CALHM1: variants seen among roughly 807,000 people sequenced by gnomAD.
CALHM1 encodes calcium homeostasis modulator 1.
A neutral mutation model predicts 14.8 loss-of-function variants in CALHM1; 11 were observed. The ratio of observed to expected loss-of-function variants is 0.74; its 90% CI spans 0.47 to 1.23. CALHM1 has a LOEUF of 1.23. Ranked by LOEUF, CALHM1 falls within the 50% of genes most tolerant of loss-of-function variation. CALHM1 has a pLI of 0.00. For missense variants in CALHM1, 458 were observed against 496.4 expected, an observed-to-expected ratio of 0.92 and a Z score of 0.74; for synonymous variants, 215 against 218.9, an observed-to-expected ratio of 0.98 and a Z score of 0.16.
Position 103,456,582 on chromosome 10 carries a change from C to G in CALHM1, c.556-835G>C, listed in dbSNP as rs1352869553. On this transcript the variant is annotated intron_variant, in intron 1 of 1. Transcript: ENST00000329905. ...AGAGAAGCACTTGGGCAGATCAGGA[C>G]TGGGGCTGAGGGCAAGCCCAGATGC... 5.9e-5 allele frequency among the ~76,000 whole-genome samples: 9 copies of G among 152,344 alleles called. No individual in the cohort carries two copies. In the East Asian group the frequency reaches 1.7e-3, roughly 29 times the overall value.
In CALHM1 at chr10:103,458,217, A is replaced by G; in HGVS notation, c.535T>C (p.Tyr179His). Residue 179 changes from tyrosine (Y) to histidine (H), a missense_variant, in exon 1 of 2, where the codon TAC (tyrosine) becomes CAC (histidine). Physicochemically the swap from Tyr to His is moderately conservative, Grantham distance 83. Coordinates refer to ENST00000329905, the MANE Select transcript of CALHM1 (RefSeq NM_001001412.4). The surrounding 1 kb of genome is among the most constrained non-coding windows in gnomAD (Gnocchi z 4.9). ...WLLAREVAVR[Y>H]LRCISQALGW... ...CTCACCTGGGAGATGCAGCGGAGGT[A>G]ACGCACGGCCACCTCTCGGGCCAAC... The G allele has an allele frequency of 6.2e-7, 1 of 1,612,824 alleles. No homozygotes were observed. Among genetic ancestry groups the G allele is most frequent in the Non-Finnish European group, 8.5e-7 (1 of 1,179,750 alleles).
Position 103,458,343 on chromosome 10 carries a change from C to T in CALHM1, c.409G>A (p.Ala137Thr), listed in dbSNP as rs768417320. The T allele has an allele frequency of 2.2e-5, 36 of 1,610,624 alleles. No homozygotes were observed. The highest frequency in any genetic ancestry group is 8.8e-5 in the South Asian group (8 of 90,884). ...CAFCTAVPVSALGNGSLAPGL... is the reference protein window; with the variant it reads ...CAFCTAVPVSTLGNGSLAPGL... ...GGTGCCAGGCTGCCGTTGCCCAGTGCGCTCACGGGCACGGCAGTGCAGAAG... is the reference window on the plus strand; with the variant it reads ...GGTGCCAGGCTGCCGTTGCCCAGTGTGCTCACGGGCACGGCAGTGCAGAAG... The change falls in exon 1 of 2, where the codon GCA becomes ACA. Residue 137 changes from alanine (A) to threonine (T), a missense_variant. By Grantham distance (58) the Ala-to-Thr change is moderately conservative (BLOSUM62 0). Coordinates refer to ENST00000329905, the MANE Select transcript of CALHM1 (RefSeq NM_001001412.4). The surrounding 1 kb of genome is among the most constrained non-coding windows in gnomAD (Gnocchi z 4.9).
rs1034384425 is a variant in CALHM1 at position 103,454,361 on chromosome 10, C to T, written c.*901G>A. The T allele has an allele frequency of 1.3e-5, 2 of 152,290 alleles. No homozygotes were observed. Among genetic ancestry groups the T allele is most frequent in the African/African-American group, 4.8e-5 (2 of 41,440 alleles). The allele number at this position is 152,290 out of a possible 1,614,324, so 9.4% of individuals were successfully genotyped here. A position where few individuals can be genotyped will look rare whatever the true frequency, so the allele number is the denominator to read the frequency against. ...TCTGAGCTGCTTTCTCTTTACACTG[C>T]TCTCCTCCACCCTCATCCCACCTGG... is the stretch of plus-strand genomic sequence containing the variant. On this transcript the variant is annotated 3_prime_UTR_variant, in exon 2 of 2. Coordinates refer to ENST00000329905, the MANE Select transcript of CALHM1 (RefSeq NM_001001412.4).
Position 103,458,425 on chromosome 10 carries a change from G to A in CALHM1, c.327C>T (p.Ile109=), listed in dbSNP as rs373511326. 9.3e-6 allele frequency: 15 copies of A among 1,609,784 alleles called. No individual in the cohort carries two copies. Among genetic ancestry groups the A allele is most frequent in the Middle Eastern group, 1.6e-4 (1 of 6,074 alleles). ...TGACGGCCACCCAGACGACAGGCGC[G>A]ATGAGGGCGCGCTGGGCCATGGAGC... ...MFCSMAQRAL[I]APVVWVAVTL... Residue 109 remains isoleucine (I), a synonymous_variant, in exon 1 of 2, where the codon ATC becomes ATT. Coordinates refer to ENST00000329905, the MANE Select transcript of CALHM1 (RefSeq NM_001001412.4). The surrounding 1 kb of genome is among the most constrained non-coding windows in gnomAD (Gnocchi z 4.9).
rs746336578 is a variant in CALHM1, at chr10:103,455,353, T to C, written c.950A>G (p.Gln317Arg). 1.9e-6 allele frequency: 3 copies of C among 1,613,386 alleles called. No homozygotes were observed. In the African/African-American group the frequency reaches 4.0e-5, roughly 22 times the overall value. ...GTTGCCCATCAGCGGTGGCTCCTCC[T>C]GGCCCAGCCGCAGAGGCGGTTTGCA... Reference protein sequence around the residue: ...HKCKPPLRLGQEEPPLMGNGW... With the variant: ...HKCKPPLRLGREEPPLMGNGW... Residue 317 changes from glutamine (Q) to arginine (R), a missense_variant, in exon 2 of 2, where the codon CAG (glutamine) becomes CGG (arginine). Transcript: ENST00000329905.
In CALHM1 at chr10:103,458,302, G is replaced by T; in HGVS notation, c.450C>A (p.Pro150=). ...CCCGGGCCAGCAGGCGGGCGAGCTC[G>T]GGGGCAGGAAGGCCGGGTGCCAGGC... ...NGSLAPGLPA[P]ELARLLARVP... The change falls in exon 1 of 2, where the codon CCC becomes CCA. Residue 150 remains proline, a synonymous_variant. Coordinates refer to ENST00000329905, the MANE Select transcript of CALHM1 (RefSeq NM_001001412.4). This position sits in a 1 kb window ranked among gnomAD's most constrained non-coding sequence, Gnocchi z 4.9. The T allele has an allele frequency of 1.2e-6, 2 of 1,611,692 alleles. No homozygotes were observed. Among genetic ancestry groups the T allele is most frequent in the Non-Finnish European group, 1.7e-6 (2 of 1,179,424 alleles).
chr10:103,458,338 C>T lies in CALHM1; in HGVS notation c.414G>A (p.Leu138=). The T allele has an allele frequency of 6.2e-7, 1 of 1,610,942 alleles. No individual in the cohort carries two copies. The highest frequency in any genetic ancestry group is 8.5e-7 in the Non-Finnish European group (1 of 1,178,790). Residue 138 remains leucine, a synonymous_variant, in exon 1 of 2, where the codon CTG becomes CTA. Transcript: ENST00000329905. This position sits in a 1 kb window ranked among gnomAD's most constrained non-coding sequence, Gnocchi z 4.9. ...GGCCGGGTGCCAGGCTGCCGTTGCC[C>T]AGTGCGCTCACGGGCACGGCAGTGC... ...AFCTAVPVSA[L]GNGSLAPGLP... is the part of the protein sequence containing the mutation.
intron 1 of CALHM1, among the ~76,000 whole-genome samples, chr10:103,456,532 C>G (rs1442359137): frequency 1.3e-5 from 2 of 152,240 alleles, no homozygotes; most frequent in Non-Finnish European, 1.5e-5. Context: ...CTGGCCCACG[C>G]TTCAGGGTTA....
chr10:103,455,564 T>G lies in CALHM1; in HGVS notation c.739A>C (p.Ile247Leu). ...TTCATGGCCTCGAAGAACTGCTGGA[T>G]GCAGACCTTGGCAAAGGCTTTGGCG... ...EHAKAFAKVC[I>L]QQFFEAMNHD... The change falls in exon 2 of 2, where the codon ATC becomes CTC. Residue 247 changes from isoleucine (I) to leucine (L), a missense_variant. Physicochemically the swap from Ile to Leu is conservative, Grantham distance 5. Transcript: ENST00000329905. 1 of 1,614,054 alleles carries G rather than the reference T, an allele frequency of 6.2e-7. No individual in the cohort carries two copies. Among genetic ancestry groups the G allele is most frequent in the Non-Finnish European group, 8.5e-7 (1 of 1,180,036 alleles).
intron 1 of CALHM1, among the ~76,000 whole-genome samples, chr10:103,457,566 C>G (rs1245243480): frequency 3.9e-5 from 6 of 152,196 alleles, no homozygotes; most frequent in African/African-American, 1.4e-4. Flanking sequence ...TGGTCCTCCC[C>G]ACACGGCACT....
At position 103,453,941 on chromosome 10, in the gene CALHM1, G is replaced by A. The variant is rs999026308; in HGVS notation, c.*1321C>T. On this transcript the variant is annotated 3_prime_UTR_variant, in exon 2 of 2. Transcript: ENST00000329905. ...ATAGAGGGAAGGATGGATAAAAAAG[G>A]ATGGAATCATGCCAAGATCAAAATG... 6.6e-6 allele frequency: 1 copy of A among 152,222 alleles called. No homozygotes were observed. The highest frequency in any genetic ancestry group is 1.5e-5 in the Non-Finnish European group (1 of 68,034). The allele number at this position is 152,222 out of a possible 1,614,324, so 9.4% of individuals were successfully genotyped here.
chr10:103,455,234 C>G lies in CALHM1; in HGVS notation c.*28G>C. On this transcript the variant is annotated 3_prime_UTR_variant, in exon 2 of 2. Transcript: ENST00000329905. The stretch of plus-strand genomic sequence containing the variant: ...TGGAGGGGCTGTGGGCTCAGATCCC[C>G]GTTCCTGCCTCTTCAGCTGGCCACA... 2 of 1,545,142 alleles carry G rather than the reference C, an allele frequency of 1.3e-6. No individual in the cohort carries two copies. The highest frequency in any genetic ancestry group is 1.7e-6 in the Non-Finnish European group (2 of 1,144,898).
rs141859613 is a variant in CALHM1, at chr10:103,455,570, C to A, written c.733G>T (p.Val245Phe). The change falls in exon 2 of 2, where the codon GTC becomes TTC. Residue 245 changes from valine to phenylalanine, a missense_variant. Physicochemically the swap from Val to Phe is conservative, Grantham distance 50 (BLOSUM62 -1). Coordinates refer to ENST00000329905, the MANE Select transcript of CALHM1 (RefSeq NM_001001412.4). ...CTEHAKAFAK[V>F]CIQQFFEAMN... ...GCCTCGAAGAACTGCTGGATGCAGA[C>A]CTTGGCAAAGGCTTTGGCGTGCTCC... is the stretch of plus-strand genomic sequence containing the variant. 2 of 1,614,044 alleles carry A rather than the reference C, an allele frequency of 1.2e-6. No homozygotes were observed. Among genetic ancestry groups the A allele is most frequent in the East Asian group, 2.2e-5 (1 of 44,886 alleles).
chr10:103,457,327 G>A (rs922478756), intron 1 of CALHM1, among the ~76,000 whole-genome samples: 1 of 152,230 alleles, frequency 6.6e-6, no homozygotes, highest in Admixed American at 6.5e-5. Context: ...AGGGAGGAGA[G>A]GGAAGTAGAG....
In CALHM1 at chr10:103,455,072, A is replaced by T; in HGVS notation, c.*190T>A. 1.2e-6 allele frequency: 1 copy of T among 808,988 alleles called. No homozygotes were observed. Among genetic ancestry groups the T allele is most frequent in the Non-Finnish European group, 1.9e-6 (1 of 528,370 alleles). 50.1% of individuals were successfully genotyped at this position (808,988 alleles called of 1,614,324 possible). On this transcript the variant is annotated 3_prime_UTR_variant, in exon 2 of 2. Coordinates refer to ENST00000329905, the MANE Select transcript of CALHM1 (RefSeq NM_001001412.4). ...CTAGGGCCATCCAGGGCAGTGTCAC[A>T]CCTGAAGGCATCAGATCCCCTTCCA...
rs1459177649 is a variant in CALHM1, at chr10:103,453,859, TC to T, written c.*1402del. The T allele has an allele frequency of 2.0e-5, 3 of 151,958 alleles. No homozygotes were observed. Among genetic ancestry groups the T allele is most frequent in the Non-Finnish European group, 4.4e-5 (3 of 68,002 alleles). 9.4% of individuals were successfully genotyped at this position (151,958 alleles called of 1,614,324 possible). ...CCCAGCCCACCTTGGCCCACAAAGA[TC>T]TGAGCAACTCCTCCCAAATAATTAA... On this transcript the variant is annotated 3_prime_UTR_variant, in exon 2 of 2. Coordinates refer to ENST00000329905, the MANE Select transcript of CALHM1 (RefSeq NM_001001412.4).
Position 103,455,435 on chromosome 10 carries a change from G to C in CALHM1, c.868C>G (p.Leu290Val). The part of the protein sequence containing the change: ...PDGAEEEREK[L>V]RGITDQGTMN... ...GTGCCTTGATCCGTGATGCCACGCA[G>C]CTTCTCCCTTTCCTCCTCCGCACCA... The change falls in exon 2 of 2, where the codon CTG (leucine) becomes GTG (valine). Residue 290 changes from leucine to valine, a missense_variant. Leu to Val is a conservative substitution (Grantham distance 32). Coordinates refer to ENST00000329905, the MANE Select transcript of CALHM1 (RefSeq NM_001001412.4). The C allele has an allele frequency of 6.2e-7, 1 of 1,614,042 alleles. No individual in the cohort carries two copies. The highest frequency in any genetic ancestry group is 8.5e-7 in the Non-Finnish European group (1 of 1,180,040).
rs776187153 is a variant in CALHM1 at position 103,455,318 on chromosome 10, C to T, written c.985G>A (p.Gly329Arg). Residue 329 changes from glycine (G) to arginine (R), a missense_variant, in exon 2 of 2, where the codon GGG (glycine) becomes AGG (arginine). Transcript: ENST00000329905. ...EPPLMGNGWA[G>R]GGPRPPRKEV... The stretch of plus-strand genomic sequence containing the variant: ...TTACGCGGAGGCCGGGGCCCACCCC[C>T]AGCCCAGCCGTTGCCCATCAGCGGT... 76 of 1,613,284 alleles carry T rather than the reference C, an allele frequency of 4.7e-5. 1 individual carries two copies. The Admixed American group carries it at 1.2e-3, about 26-fold the overall frequency.
rs2033104001 is a variant in CALHM1 at position 103,453,905 on chromosome 10, C to T, written c.*1357G>A. On this transcript the variant is annotated 3_prime_UTR_variant, in exon 2 of 2. Transcript: ENST00000329905. ...AATTAAGAGGAGGGAAACTGGACCCCAGAAGTGGGAATAGAGGGAAGGATG... is the reference window on the plus strand; with the variant it reads ...AATTAAGAGGAGGGAAACTGGACCCTAGAAGTGGGAATAGAGGGAAGGATG... 1 of 152,134 alleles carries T rather than the reference C, an allele frequency of 6.6e-6. No homozygotes were observed. Among genetic ancestry groups the T allele is most frequent in the Non-Finnish European group, 1.5e-5 (1 of 68,044 alleles). 9.4% of individuals were successfully genotyped at this position (152,134 alleles called of 1,614,324 possible).
Sources: allele counts gnomAD v4.1 joint callset (sites outside exome capture counted in the v4.1 genomes callset), GRCh38; gene constraint gnomAD v4.1.1; non-coding constraint Gnocchi (gnomAD v3.1); transcripts MANE v1.5; gene names NCBI Gene and HGNC (gene_info 2026-07-23, HGNC 2026-07-21).